The following PCDH15 variants were observed in gnomAD, a reference collection of about 807,000 sequenced individuals.
The protein encoded by PCDH15 is protocadherin-15.
In PCDH15, 129 loss-of-function variants were observed where a neutral mutation model predicts 178.5. The ratio of observed to expected loss-of-function variants is 0.72; its 90% CI spans 0.63 to 0.84. PCDH15 has a LOEUF of 0.84. Ranked by LOEUF, PCDH15 falls within the 40% of genes least tolerant of loss-of-function variation. The pLI, the probability that PCDH15 is intolerant of heterozygous loss-of-function variation, is 0.00. For missense variants in PCDH15, 2,230 were observed against 2,099.9 expected (o/e 1.06, Z -1.21); for synonymous variants, 800 against 732.0 (o/e 1.09, Z -1.50).
chr10:55,170,577 C>A (rs373379307), intron 1 of PCDH15, among the ~76,000 whole-genome samples: 4 of 152,184 alleles, frequency 2.6e-5, no homozygotes, highest in South Asian at 2.1e-4. Flanking sequence ...ATGTACAGGG[C>A]ACACTGGTAG....
At chr10:53,852,491 A>T (rs562029802) in intron 28 of PCDH15, among the ~76,000 whole-genome samples, 2 of 150,992 alleles carry the variant, frequency 1.3e-5, no homozygotes, top group Non-Finnish European at 2.9e-5. Flanking sequence ...TCTAAAAAGT[A>T]GTAAAAAATT....
intron 2 of PCDH15, among the ~76,000 whole-genome samples, chr10:55,488,875 T>C (rs1364802794): frequency 1.3e-5 from 2 of 151,452 alleles, no homozygotes; most frequent in Non-Finnish European, 3.0e-5. Flanking sequence ...TATCCAGCAA[T>C]GCATTAAGAA....
rs558163225 is a variant in PCDH15 at position 53,995,529 on chromosome 10, A to G, written c.2868+120T>C. The G allele has an allele frequency of 1.3e-5, 20 of 1,565,958 alleles. No homozygotes were observed. The East Asian group carries it at 3.8e-4, about 30-fold the overall frequency. On this transcript the variant is annotated intron_variant, in intron 21 of 37. Transcript: ENST00000644397. ...AAATAAGTAAAAGAACATAAAATGT[A>G]TGAATAAATAGGGTGAAATTTACAG...
intron 3 of PCDH15, among the ~76,000 whole-genome samples, chr10:54,845,259 C>T (rs1045777883): frequency 6.6e-6 from 1 of 151,814 alleles, no homozygotes; most frequent in African/African-American, 2.4e-5. Context: ...ATAGCTATTC[C>T]TGAATTGCCA....
chr10:55,215,948 G>C (rs1446562450), intron 1 of PCDH15, among the ~76,000 whole-genome samples: 1 of 151,978 alleles, frequency 6.6e-6, no homozygotes, highest in Admixed American at 6.6e-5. Context: ...TATGGGAGTA[G>C]AGAAAGCATT....
intron 2 of PCDH15, among the ~76,000 whole-genome samples, chr10:55,518,725 TCCCAGATAAGCACAACAAAGAGA>T (rs1229566609): frequency 6.6e-6 from 1 of 151,848 alleles, no homozygotes; most frequent in Non-Finnish European, 1.5e-5. Context: ...TAACTCTCCC[TCCCAGATAAGCACAACAAAGAGA>T]CACAGAAGCA....
At chr10:55,422,994 A>G (rs2132047674) in intron 2 of PCDH15, among the ~76,000 whole-genome samples, 1 of 152,078 alleles carries the variant, frequency 6.6e-6, no homozygotes, top group Non-Finnish European at 1.5e-5. Flanking sequence ...AGTATAATTT[A>G]GAGTACAATG....
At chr10:55,574,414 C>T (rs1308328002) in intron 2 of PCDH15, among the ~76,000 whole-genome samples, 1 of 152,004 alleles carries the variant, frequency 6.6e-6, no homozygotes, top group East Asian at 1.9e-4. Flanking sequence ...CCTCTTAGAG[C>T]CTTCCTTTCA....
rs1478430474 is a variant in PCDH15, at chr10:54,195,672, A to G, written c.1305+11T>C. On this transcript the variant is annotated intron_variant, in intron 11 of 37. Transcript: ENST00000644397. ...TTACACAAACAAGAGCAAAATATGT[A>G]TTTAACTTACATCTTCTATGTCCTT... The G allele has an allele frequency of 1.9e-6, 3 of 1,604,602 alleles. No individual in the cohort carries two copies. The African/African-American group carries it at 4.0e-5, about 22-fold the overall frequency.
intron 1 of PCDH15, among the ~76,000 whole-genome samples, chr10:54,744,208 T>C (rs1181203255): frequency 6.6e-6 from 1 of 152,102 alleles, no homozygotes; most frequent in African/African-American, 2.4e-5. Flanking sequence ...CAACAGCTAC[T>C]TGAGTGACTA....
intron 1 of PCDH15, among the ~76,000 whole-genome samples, chr10:55,235,327 T>A (rs1841347130): frequency 6.6e-6 from 1 of 152,032 alleles, no homozygotes; most frequent in Admixed American, 6.6e-5. Context: ...TAGTAAAAAT[T>A]TCCATTCGTA....
Position 55,078,374 on chromosome 10 carries a change from G to C in PCDH15, c.-80+88202C>G, listed in dbSNP as rs193161628. On this transcript the variant is annotated intron_variant, in intron 2 of 5. Coordinates refer to the PCDH15 transcript ENST00000458638. ...GATGTCTAAATATATTGCTAGACTT[G>C]GGAAGTTTTCATCTATTATTCATCA... is the stretch of plus-strand genomic sequence containing the variant. 2.4e-4 allele frequency among the ~76,000 whole-genome samples: 36 copies of C among 152,110 alleles called. No individual in the cohort carries two copies. The East Asian group carries it at 3.7e-3, about 16-fold the overall frequency.
intron 2 of PCDH15, among the ~76,000 whole-genome samples, chr10:55,007,571 G>A (rs1235421848): frequency 6.6e-6 from 1 of 152,022 alleles, no homozygotes; most frequent in Admixed American, 6.6e-5. Flanking sequence ...TTAGGCATTT[G>A]GGTCACATAC....
At chr10:54,122,696 C>A (rs937373792) in intron 15 of PCDH15, among the ~76,000 whole-genome samples, 3 of 151,894 alleles carry the variant, frequency 2.0e-5, no homozygotes, top group African/African-American at 7.3e-5. Flanking sequence ...ACAATTTTAG[C>A]AAGGTACTAG....
At chr10:55,410,054 A>G (rs570814787) in intron 2 of PCDH15, among the ~76,000 whole-genome samples, 1 of 152,260 alleles carries the variant, frequency 6.6e-6, no homozygotes, top group Non-Finnish European at 1.5e-5. Flanking sequence ...AGCTTGGTAT[A>G]TAGTGAGTAT....
At chr10:54,087,421 CTT>C (rs984408069) in intron 16 of PCDH15, among the ~76,000 whole-genome samples, 1 of 152,108 alleles carries the variant, frequency 6.6e-6, no homozygotes, top group Non-Finnish European at 1.5e-5. Flanking sequence ...TTGCAACTGA[CTT>C]ATTTCACTTA....
At chr10:54,996,440 G>A (rs1211151967) in intron 2 of PCDH15, among the ~76,000 whole-genome samples, 1 of 152,122 alleles carries the variant, frequency 6.6e-6, no homozygotes. Context: ...GGATACTTGG[G>A]GCTAGTTTGT....
chr10:55,244,223 T>C (rs1055020451), intron 1 of PCDH15, among the ~76,000 whole-genome samples: 1 of 152,062 alleles, frequency 6.6e-6, no homozygotes, highest in Non-Finnish European at 1.5e-5. Flanking sequence ...TGTCTTGCAC[T>C]GCACTACAGT....
chr10:54,272,298 CT>C (rs1317393434), intron 8 of PCDH15, among the ~76,000 whole-genome samples: 2 of 151,678 alleles, frequency 1.3e-5, no homozygotes, highest in Non-Finnish European at 2.9e-5. Context: ...ATCCAGTAGT[CT>C]ATTATTTGAT....
Sources: allele counts gnomAD v4.1 joint callset (sites outside exome capture counted in the v4.1 genomes callset), GRCh38; gene constraint gnomAD v4.1.1; transcripts MANE v1.5; gene names NCBI Gene and HGNC (gene_info 2026-07-23, HGNC 2026-07-21).